Variants in PPP1R13B observed in about 807,000 individuals in gnomAD.
PPP1R13B encodes the protein protein phosphatase 1 regulatory subunit 13B.
Under a neutral mutation model 119.8 loss-of-function variants are expected in PPP1R13B, and 44 were observed. The observed-to-expected ratio is 0.37, with a 90% CI of 0.29 to 0.47. The LOEUF is 0.47. Ranked by LOEUF, PPP1R13B falls within the 20% of genes least tolerant of loss-of-function variation. The pLI, the probability that PPP1R13B is intolerant of heterozygous loss-of-function variation, is 0.99. For synonymous variants in PPP1R13B, 542 were observed against 561.5 expected (o/e 0.97, Z 0.49); for missense variants, 1,227 against 1,413.5 (o/e 0.87, Z 2.12).
At chr14:103,739,312 G>A (rs2084192236) in intron 12 of PPP1R13B, 2 of 405,348 alleles carry the variant, frequency 4.9e-6, no homozygotes, top group South Asian at 6.4e-5. Flanking sequence ...CTCTGTGGGA[G>A]GGAGGGTGGC....
At chr14:103,800,687 A>G (rs1567134157) in intron 1 of PPP1R13B, among the ~76,000 whole-genome samples, 1 of 151,430 alleles carries the variant, frequency 6.6e-6, no homozygotes, top group Non-Finnish European at 1.5e-5. Flanking sequence ...AAAAAAAAAG[A>G]TTTTTTTTTC....
chr14:103,743,679 C>T (rs2084316319), intron 9 of PPP1R13B, among the ~76,000 whole-genome samples: 1 of 152,246 alleles, frequency 6.6e-6, no homozygotes, highest in African/African-American at 2.4e-5. Flanking sequence ...AGGAACAGCA[C>T]ATCCCCTTCC....
chr14:103,796,069 A>G (rs1211296796), intron 2 of PPP1R13B, among the ~76,000 whole-genome samples: 1 of 152,114 alleles, frequency 6.6e-6, no homozygotes, highest in Admixed American at 6.6e-5. Context: ...AGGCAGGTGG[A>G]TCACTTGAGC....
At chr14:103,826,878 G>A (rs924449343) in intron 1 of PPP1R13B, among the ~76,000 whole-genome samples, 1 of 151,808 alleles carries the variant, frequency 6.6e-6, no homozygotes, top group Non-Finnish European at 1.5e-5. Flanking sequence ...TGGGCGTGGT[G>A]GCAGGCGCCT....
Position 103,734,841 on chromosome 14 carries a change from C to T in PPP1R13B, c.*313G>A, listed in dbSNP as rs2084052362. 22 of 481,090 alleles carry T rather than the reference C, an allele frequency of 4.6e-5. No homozygotes were observed. Among genetic ancestry groups the T allele is most frequent in the South Asian group, 3.8e-4 (22 of 57,256 alleles). 29.8% of individuals were successfully genotyped at this position (481,090 alleles called of 1,614,324 possible). ...AAGTCAGTAAGAGCTTCTGTCTTCA[C>T]TGGCAACCAACCGGGGGTTATGGGA... On this transcript the variant is annotated 3_prime_UTR_variant, in exon 17 of 17. Transcript: ENST00000202556.
intron 8 of PPP1R13B, among the ~76,000 whole-genome samples, chr14:103,748,466 A>G (rs569686806): frequency 3.3e-5 from 5 of 152,320 alleles, no homozygotes; most frequent in African/African-American, 1.2e-4. Flanking sequence ...AGCATCTTTC[A>G]GAGCAGTAGA....
At chr14:103,811,551 A>G (rs565604549) in intron 1 of PPP1R13B, among the ~76,000 whole-genome samples, 22 of 152,202 alleles carry the variant, frequency 1.4e-4, no homozygotes, top group African/African-American at 5.1e-4. Flanking sequence ...AGCCAGGTGT[A>G]GTAGTGCAGG....
Position 103,757,568 on chromosome 14 carries a change from G to T in PPP1R13B, c.456+82C>A, listed in dbSNP as rs1027234856. 3.1e-6 allele frequency: 4 copies of T among 1,292,284 alleles called. No individual in the cohort carries two copies. The African/African-American group carries it at 5.9e-5, about 19-fold the overall frequency. 80.1% of individuals were successfully genotyped at this position (1,292,284 alleles called of 1,614,324 possible). A position where few individuals can be genotyped will look rare whatever the true frequency, so the allele number is the denominator to read the frequency against. On this transcript the variant is annotated intron_variant, in intron 5 of 16. Transcript: ENST00000202556. ...GTCCTATTTTATAAGCGTTACCCAA[G>T]AATATATTAACCCCAGTCTAAAATG... is the stretch of plus-strand genomic sequence containing the variant.
At chr14:103,823,052 A>G (rs1164477541) in intron 1 of PPP1R13B, among the ~76,000 whole-genome samples, 1 of 151,852 alleles carries the variant, frequency 6.6e-6, no homozygotes, top group Admixed American at 6.6e-5. Flanking sequence ...GAACAGGGAC[A>G]ATTTGGCCGG....
chr14:103,742,964 G>T lies in PPP1R13B; in HGVS notation c.1151-141C>A. The T allele has an allele frequency of 1.1e-6, 1 of 908,106 alleles. No homozygotes were observed. Among genetic ancestry groups the T allele is most frequent in the Non-Finnish European group, 1.7e-6 (1 of 597,852 alleles). 56.3% of individuals were successfully genotyped at this position (908,106 alleles called of 1,614,324 possible). On this transcript the variant is annotated intron_variant, in intron 9 of 16. Coordinates refer to ENST00000202556, the MANE Select transcript of PPP1R13B (RefSeq NM_015316.3). This position sits in a 1 kb window ranked among gnomAD's most constrained non-coding sequence, Gnocchi z 4.9. ...CCATTAACCGAGTGGTCAACCACCA[G>T]CCACATGCACAACTGCTGATCTCCT...
In PPP1R13B at chr14:103,807,504, CT is replaced by C. The variant is rs1368618726; in HGVS notation, c.10-9987del. Among the ~76,000 whole-genome samples, 5 of 151,980 alleles carry C rather than the reference CT, an allele frequency of 3.3e-5. No homozygotes were observed. In the South Asian group the frequency reaches 6.3e-4, roughly 19 times the overall value. ...TCCCCCAATTATACGTAAAATGTCC[CT>C]TTTTTTTGAGACAGAGTATCACGCT... is the stretch of plus-strand genomic sequence containing the variant. On this transcript the variant is annotated intron_variant, in intron 1 of 16. Coordinates refer to ENST00000202556, the MANE Select transcript of PPP1R13B (RefSeq NM_015316.3).
At chr14:103,780,997 G>A (rs548312998) in intron 3 of PPP1R13B, among the ~76,000 whole-genome samples, 3 of 152,050 alleles carry the variant, frequency 2.0e-5, no homozygotes, top group Non-Finnish European at 4.4e-5. Context: ...ATTCTGAGTC[G>A]GGGCATGAAA....
At chr14:103,789,833 T>C (rs2085571870) in intron 2 of PPP1R13B, among the ~76,000 whole-genome samples, 1 of 152,196 alleles carries the variant, frequency 6.6e-6, no homozygotes, top group African/African-American at 2.4e-5. Flanking sequence ...TGCTTAGTTA[T>C]TAATTATGTC....
intron 2 of PPP1R13B, among the ~76,000 whole-genome samples, chr14:103,786,066 T>A (rs2085455011): frequency 6.6e-6 from 1 of 152,104 alleles, no homozygotes; most frequent in African/African-American, 2.4e-5. Flanking sequence ...TGAGACAAGG[T>A]CTTTGCTCTG....
In PPP1R13B at chr14:103,740,644, G is replaced by A; in HGVS notation, c.1823-51C>T. On this transcript the variant is annotated intron_variant, in intron 11 of 16. Transcript: ENST00000202556. The surrounding 1 kb of genome is among the most constrained non-coding windows in gnomAD (Gnocchi z 4.6). Reference sequence around the variant, plus strand: ...ATTTTGACCTCACTACAGAGATCTAGTCATACACACCTATGATTACACCAG... The same window carrying A: ...ATTTTGACCTCACTACAGAGATCTAATCATACACACCTATGATTACACCAG... The A allele has an allele frequency of 7.1e-7, 1 of 1,412,750 alleles. No individual in the cohort carries two copies. The highest frequency in any genetic ancestry group is 9.3e-7 in the Non-Finnish European group (1 of 1,069,662). 87.5% of individuals were successfully genotyped at this position (1,412,750 alleles called of 1,614,324 possible).
intron 7 of PPP1R13B, among the ~76,000 whole-genome samples, chr14:103,750,595 C>G (rs2084515323): frequency 6.6e-6 from 1 of 152,174 alleles, no homozygotes; most frequent in African/African-American, 2.4e-5. Flanking sequence ...CTCTGGGAGG[C>G]CGAGGTGGGT....
At chr14:103,798,152 C>CTTTTTTT (rs768163941) in intron 1 of PPP1R13B, among the ~76,000 whole-genome samples, 1 of 129,184 alleles carries the variant, frequency 7.7e-6, no homozygotes, top group African/African-American at 2.9e-5. Flanking sequence ...ATAATAATCT[C>CTTTTTTT]TTTTTTTTTT....
intron 7 of PPP1R13B, among the ~76,000 whole-genome samples, chr14:103,751,012 G>C (rs2084530755): frequency 6.6e-6 from 1 of 151,920 alleles, no homozygotes; most frequent in African/African-American, 2.4e-5. Flanking sequence ...AAATTAGCCA[G>C]GTATGGTGGC....
Position 103,736,220 on chromosome 14 carries a change from T to C in PPP1R13B, c.3032-18A>G. ...CTGCACCCCTGGAGCCAGAGAGCAA[T>C]GGTCAGGCCTCAGCAGAGGGTGGCC... is the stretch of plus-strand genomic sequence containing the variant. On this transcript the variant is annotated intron_variant, in intron 15 of 16. Transcript: ENST00000202556. 6.2e-7 allele frequency: 1 copy of C among 1,610,366 alleles called. No individual in the cohort carries two copies. The highest frequency in any genetic ancestry group is 8.5e-7 in the Non-Finnish European group (1 of 1,178,640).
Sources: gnomAD v4.1 joint callset for allele counts (sites outside exome capture counted in the v4.1 genomes callset) on GRCh38, gnomAD v4.1.1 for gene constraint, Gnocchi (gnomAD v3.1) non-coding constraint, MANE v1.5 for transcripts, NCBI Gene and HGNC (gene_info 2026-07-23, HGNC 2026-07-21) for gene names.